The following BMPR1B variants were observed in gnomAD, a reference collection of about 807,000 sequenced individuals.
BMPR1B encodes bone morphogenetic protein receptor type-1B.
BMPR1B carries 12 observed loss-of-function variants against 59.1 expected under a neutral mutation model. The ratio of observed to expected loss-of-function variants is 0.20; its 90% CI spans 0.13 to 0.33. The LOEUF is 0.33. Ranked by LOEUF, BMPR1B falls within the 10% of genes least tolerant of loss-of-function variation. BMPR1B has a pLI of 1.00. For missense variants in BMPR1B, 550 were observed against 610.9 expected, an observed-to-expected ratio of 0.90 and a Z score of 1.05; for synonymous variants, 237 against 207.3, an observed-to-expected ratio of 1.14 and a Z score of -1.23.
At chr4:95,042,462 A>G (rs949770584) in intron 3 of BMPR1B, among the ~76,000 whole-genome samples, 7 of 152,162 alleles carry the variant, frequency 4.6e-5, no homozygotes, top group Admixed American at 3.9e-4. Context: ...CCTTCAGACT[A>G]TGTCTATAAG....
At chr4:94,927,125 A>G (rs977388241) in intron 2 of BMPR1B, among the ~76,000 whole-genome samples, 5 of 152,160 alleles carry the variant, frequency 3.3e-5, no homozygotes, top group African/African-American at 1.2e-4. Context: ...AGAAAGGGAC[A>G]ATAAAAGCTC....
intron 2 of BMPR1B, among the ~76,000 whole-genome samples, chr4:94,966,487 G>T (rs577646359): frequency 6.6e-6 from 1 of 152,056 alleles, no homozygotes; most frequent in African/African-American, 2.4e-5. Flanking sequence ...TAAAATTTTT[G>T]CTATAAGAAA....
In BMPR1B at chr4:94,980,055, G is replaced by T. The variant is rs1042161021; in HGVS notation, c.-112-15985G>T. Among the ~76,000 whole-genome samples, 4 of 152,288 alleles carry T rather than the reference G, an allele frequency of 2.6e-5. No homozygotes were observed. The South Asian group carries it at 8.3e-4, about 32-fold the overall frequency. On this transcript the variant is annotated intron_variant, in intron 2 of 12. Transcript: ENST00000515059. ...TATCTTCACAGGGCTGTCAGGAGACGATCTTCCCTGTAGCTCTCTTAAAAG... is the reference window on the plus strand; with the variant it reads ...TATCTTCACAGGGCTGTCAGGAGACTATCTTCCCTGTAGCTCTCTTAAAAG...
chr4:94,940,235 C>T (rs558764498), intron 2 of BMPR1B, among the ~76,000 whole-genome samples: 15 of 152,314 alleles, frequency 9.8e-5, no homozygotes, highest in African/African-American at 3.6e-4. Context: ...CCACAGGCAG[C>T]ATGCAGCCCA....
chr4:94,904,042 C>T (rs983784803), intron 2 of BMPR1B, among the ~76,000 whole-genome samples: 7 of 151,954 alleles, frequency 4.6e-5, no homozygotes, highest in Admixed American at 4.6e-4. Flanking sequence ...TTTTAATAGA[C>T]AGTAACATCT....
intron 1 of BMPR1B, among the ~76,000 whole-genome samples, chr4:94,850,405 G>A (rs568289905): frequency 6.4e-4 from 97 of 152,298 alleles, no homozygotes; most frequent in Non-Finnish European, 1.1e-3. Context: ...CTAGTGGCAG[G>A]TAGCGTGACT....
At chr4:94,876,938 G>T (rs1156798088) in intron 2 of BMPR1B, among the ~76,000 whole-genome samples, 1 of 151,978 alleles carries the variant, frequency 6.6e-6, no homozygotes, top group Admixed American at 6.5e-5. Context: ...ATATTTCATT[G>T]CTTGCTTAAA....
chr4:95,075,128 G>T (rs1320255003), intron 3 of BMPR1B, among the ~76,000 whole-genome samples: 1 of 152,068 alleles, frequency 6.6e-6, no homozygotes, highest in Non-Finnish European at 1.5e-5. Flanking sequence ...TCTTTCTAAA[G>T]TGCTGATAGC....
intron 3 of BMPR1B, among the ~76,000 whole-genome samples, chr4:95,026,208 G>A (rs973764079): frequency 5.6e-5 from 8 of 141,836 alleles, no homozygotes; most frequent in African/African-American, 2.1e-4. Context: ...ATTATGTGGA[G>A]ACTTATTATC....
chr4:94,792,488 TACAC>T (rs1303445466), intron 1 of BMPR1B, among the ~76,000 whole-genome samples: 1 of 151,836 alleles, frequency 6.6e-6, no homozygotes. Flanking sequence ...CACACACACA[TACAC>T]ACACGCACAC....
chr4:94,989,807 T>C (rs1867542), intron 2 of BMPR1B, among the ~76,000 whole-genome samples: 145,496 of 152,242 alleles, frequency 0.96, 69,556 homozygotes, highest in Middle Eastern at 0.99. Context: ...CTTTCTTGGG[T>C]CCTCAAAAAC....
intron 1 of BMPR1B, among the ~76,000 whole-genome samples, chr4:94,832,721 T>G (rs955915801): frequency 6.6e-6 from 1 of 152,158 alleles, no homozygotes; most frequent in African/African-American, 2.4e-5. Flanking sequence ...AAGCAGAGGT[T>G]GCAGTGAGCT....
chr4:94,930,087 C>T (rs575734611), intron 2 of BMPR1B, among the ~76,000 whole-genome samples: 11 of 152,182 alleles, frequency 7.2e-5, no homozygotes, highest in Non-Finnish European at 2.9e-5. Context: ...AGGATTACAT[C>T]GTTTTTCACC....
intron 3 of BMPR1B, among the ~76,000 whole-genome samples, chr4:95,004,647 G>A (rs1722694467): frequency 6.6e-6 from 1 of 152,058 alleles, no homozygotes; most frequent in South Asian, 2.1e-4. Context: ...TTTCTTAAGA[G>A]CTCTGTCTTT....
intron 3 of BMPR1B, among the ~76,000 whole-genome samples, chr4:95,046,693 C>T (rs1039644553): frequency 6.6e-6 from 1 of 152,110 alleles, no homozygotes; most frequent in African/African-American, 2.4e-5. Flanking sequence ...CTCCTTTTTC[C>T]TTCCTCTGCC....
intron 3 of BMPR1B, among the ~76,000 whole-genome samples, chr4:95,066,031 C>T (rs1727775018): frequency 6.6e-6 from 1 of 152,038 alleles, no homozygotes; most frequent in Admixed American, 6.6e-5. Flanking sequence ...GGAAATGGTA[C>T]CTTCTTGGGA....
At chr4:94,879,589 C>G (rs369191445) in intron 2 of BMPR1B, among the ~76,000 whole-genome samples, 1 of 151,940 alleles carries the variant, frequency 6.6e-6, no homozygotes, top group Non-Finnish European at 1.5e-5. Flanking sequence ...GATGACAGAG[C>G]GAGACCCTGT....
At chr4:94,932,750 CAG>C (rs1729144675) in intron 2 of BMPR1B, among the ~76,000 whole-genome samples, 1 of 151,916 alleles carries the variant, frequency 6.6e-6, no homozygotes, top group South Asian at 2.1e-4. Flanking sequence ...TAATAAGAAA[CAG>C]TAATTTAATA....
chr4:94,799,944 C>A (rs1308700584), intron 1 of BMPR1B, among the ~76,000 whole-genome samples: 1 of 152,056 alleles, frequency 6.6e-6, no homozygotes, highest in South Asian at 2.1e-4. Context: ...CTTGCCGCAG[C>A]CTCCCAAAGT....
Sources: gnomAD v4.1 joint callset for allele counts (sites outside exome capture counted in the v4.1 genomes callset) on GRCh38, gnomAD v4.1.1 for gene constraint, MANE v1.5 for transcripts, NCBI Gene and HGNC (gene_info 2026-07-23, HGNC 2026-07-21) for gene names.